AFF2: variants seen among roughly 807,000 people sequenced by gnomAD.
AFF2 encodes ALF transcription elongation factor 2.
A neutral mutation model predicts 76.9 loss-of-function variants in AFF2; 14 were observed. The ratio of observed to expected loss-of-function variants is 0.18; its 90% confidence interval spans 0.12 to 0.28. The LOEUF is 0.28. Ranked by LOEUF, AFF2 falls within the 10% of genes least tolerant of loss-of-function variation. AFF2 has a pLI of 1.00. For missense variants in AFF2, 868 were observed against 1,001.1 expected (o/e 0.87, Z 1.79); for synonymous variants, 398 against 366.7 (o/e 1.09, Z -0.98).
At chrX:148,638,556 G>A (rs141299955) in intron 1 of AFF2, among the ~76,000 whole-genome samples, 3,850 of 111,528 alleles carry the variant, frequency 0.035, 73 homozygotes, top group Non-Finnish European at 0.055. Context: ...CATATCACTT[G>A]GCGATTTATA....
chrX:148,541,486 C>T (rs1326110083), intron 1 of AFF2, among the ~76,000 whole-genome samples: 1 of 111,050 alleles, frequency 9.0e-6, no homozygotes, highest in African/African-American at 3.3e-5. Context: ...TGAGCTAAGG[C>T]AAGTGAAGAA....
At position 148,883,980 on chromosome X, in the gene AFF2, TACAC is replaced by T. The variant is rs35575810; in HGVS notation, c.1263-1886_1263-1883del. Among the ~76,000 whole-genome samples the T allele has an allele frequency of 1.9e-3, 196 of 103,200 alleles. 3 individuals carry two copies. The highest frequency in any genetic ancestry group is 7.7e-3 in the Admixed American group (72 of 9,314). 89.6% of individuals were successfully genotyped at this position (103,200 alleles called of 115,157 possible). ...TAGACATTCCCTAGATGTATTGAGA[TACAC>T]ACACACACACACACACACACACGGA... On this transcript the variant is annotated intron_variant, in intron 7 of 20. Transcript: ENST00000370460.
At position 148,673,276 on chromosome X, in the gene AFF2, G is replaced by A. The variant is rs782138096; in HGVS notation, c.1041+10508G>A. ...AGCTGCAACAGAATATCACAACTGA[G>A]TGGCTTAAAACAAGAGATTTATTTG... On this transcript the variant is annotated intron_variant, in intron 3 of 20. Transcript: ENST00000370460. Among the ~76,000 whole-genome samples, 4 of 112,400 alleles carry A rather than the reference G, an allele frequency of 3.6e-5. No homozygotes were observed. The South Asian group carries it at 1.1e-3, about 31-fold the overall frequency.
At chrX:148,966,715 A>G in intron 13 of AFF2, 75 bp from the exon 14 acceptor site, 1 of 1,160,187 alleles carries the variant, frequency 8.6e-7, no homozygotes, top group Non-Finnish European at 1.1e-6. Flanking sequence ...AACGTGCTTG[A>G]CATTCAAAGC....
chrX:148,577,781 A>C (rs1198705477), intron 1 of AFF2, among the ~76,000 whole-genome samples: 1 of 111,561 alleles, frequency 9.0e-6, no homozygotes, highest in Non-Finnish European at 1.9e-5. Flanking sequence ...TCCTTTCTCT[A>C]TGGTGAATAT....
intron 1 of AFF2, among the ~76,000 whole-genome samples, chrX:148,505,064 C>T (rs782139305): frequency 1.8e-5 from 2 of 111,737 alleles, no homozygotes; most frequent in South Asian, 7.6e-4. Flanking sequence ...ATTTATCTTT[C>T]CCGTTTTCCC....
At chrX:148,895,617 GGA>G (rs1216876460) in intron 8 of AFF2, among the ~76,000 whole-genome samples, 6 of 106,680 alleles carry the variant, frequency 5.6e-5, no homozygotes, top group South Asian at 4.2e-4. Context: ...GAGGGGGAGG[GGA>G]GAGAGAGAGA....
At chrX:148,666,628 A>ATAAC (rs1224180847) in intron 3 of AFF2, among the ~76,000 whole-genome samples, 1 of 102,886 alleles carries the variant, frequency 9.7e-6, no homozygotes. Context: ...AAATAAATAA[A>ATAAC]TAACAAAACT....
At chrX:148,920,962 C>T (rs1569557116) in intron 9 of AFF2, among the ~76,000 whole-genome samples, 1 of 111,175 alleles carries the variant, frequency 9.0e-6, no homozygotes, top group East Asian at 2.9e-4. Flanking sequence ...CTTTAGGCAA[C>T]ATGTTTCTGG....
At chrX:148,941,927 A>T (rs1336226256) in intron 9 of AFF2, among the ~76,000 whole-genome samples, 4 of 110,816 alleles carry the variant, frequency 3.6e-5, no homozygotes, top group South Asian at 3.9e-4. Context: ...TTATAAAGCC[A>T]TCTGAAGTAT....
At chrX:148,518,905 G>C (rs191435075) in intron 1 of AFF2, among the ~76,000 whole-genome samples, 239 of 111,804 alleles carry the variant, frequency 2.1e-3, no homozygotes, top group Non-Finnish European at 3.7e-3. Context: ...GGGTAAAGGG[G>C]AGAATAGGAG....
At chrX:148,789,477 C>T (rs950710104) in intron 3 of AFF2, among the ~76,000 whole-genome samples, 1 of 111,707 alleles carries the variant, frequency 9.0e-6, no homozygotes, top group Non-Finnish European at 1.9e-5. Context: ...ACCAAATACA[C>T]TAGAGAGGGA....
chrX:148,860,826 C>A (rs782277011), intron 7 of AFF2, among the ~76,000 whole-genome samples: 1 of 111,611 alleles, frequency 9.0e-6, no homozygotes, highest in East Asian at 2.8e-4. Context: ...TAAAATATAT[C>A]TAAGCAGTTA....
intron 1 of AFF2, among the ~76,000 whole-genome samples, chrX:148,649,243 G>A (rs1444563572): frequency 8.9e-6 from 1 of 111,912 alleles, no homozygotes; most frequent in Admixed American, 9.4e-5. Flanking sequence ...ACTGCAGTAG[G>A]TATAACAAGA....
intron 8 of AFF2, among the ~76,000 whole-genome samples, chrX:148,891,060 G>A (rs958862864): frequency 8.9e-6 from 1 of 111,873 alleles, no homozygotes; most frequent in Non-Finnish European, 1.9e-5. Context: ...AGCTGCCACT[G>A]TTGGCATCAT....
chrX:148,758,316 G>A (rs1419209439), intron 3 of AFF2, among the ~76,000 whole-genome samples: 2 of 112,628 alleles, frequency 1.8e-5, no homozygotes, highest in Admixed American at 9.4e-5. Flanking sequence ...ACAGAAACAC[G>A]TTTCTCAAAT....
At chrX:148,525,041 A>G (rs959010732) in intron 1 of AFF2, among the ~76,000 whole-genome samples, 3 of 112,526 alleles carry the variant, frequency 2.7e-5, no homozygotes, top group Admixed American at 9.4e-5. Flanking sequence ...TTAAAAATGA[A>G]AAACAGAGAT....
chrX:148,966,825 C>A lies in AFF2; in HGVS notation c.2949C>A (p.Thr983=). The A allele has an allele frequency of 5.0e-6, 6 of 1,211,353 alleles. No individual in the cohort carries two copies. In the South Asian group the frequency reaches 8.8e-5, roughly 18 times the overall value. Reference sequence around the variant, plus strand: ...CTCCAAAAAAGGCATCCTCTGCCACCATCACTGTCACCAATACTGCTATTG... The same window carrying A: ...CTCCAAAAAAGGCATCCTCTGCCACAATCACTGTCACCAATACTGCTATTG... ...GDTPKKASSA[T]ITVTNTAIAT... Residue 983 remains threonine (T), a synonymous_variant, in exon 14 of 21, where the codon ACC becomes ACA. Transcript: ENST00000370460.
rs782187226 is a variant in AFF2, at chrX:148,513,338, A to G, written c.47+12194A>G. Among the ~76,000 whole-genome samples, 4 of 111,487 alleles carry G rather than the reference A, an allele frequency of 3.6e-5. No homozygotes were observed. The South Asian group carries it at 1.5e-3, about 42-fold the overall frequency. ...GCTGCAGTAGCTGCTCCAGGGATGT[A>G]CCTCTCTGAGCCTTACAGTGTCAAC... On this transcript the variant is annotated intron_variant, in intron 1 of 20. Coordinates refer to ENST00000370460, the MANE Select transcript of AFF2 (RefSeq NM_002025.4).
Sources: gnomAD v4.1 joint callset for allele counts (sites outside exome capture counted in the v4.1 genomes callset) on GRCh38, gnomAD v4.1.1 for gene constraint, MANE v1.5 for transcripts, NCBI Gene and HGNC (gene_info 2026-07-23, HGNC 2026-07-21) for gene names.